Variants in LANCL1 observed in about 807,000 individuals in gnomAD.
LANCL1 encodes LanC like glutathione S-transferase 1.
In LANCL1, 50 loss-of-function variants were observed where a neutral mutation model predicts 50.6. The observed-to-expected ratio is 0.99, with a 90% CI of 0.79 to 1.25. The LOEUF (loss-of-function observed/expected upper bound fraction) is 1.25. Among genes scored for constraint, LANCL1 ranks in the 50% most tolerant of loss-of-function variants. The probability of loss-of-function intolerance (pLI) is 0.00; values close to 1 mark genes in which losing one functional copy is unlikely to be tolerated. For synonymous variants in LANCL1, 188 were observed against 178.6 expected (o/e 1.05, Z -0.42); for missense variants, 532 against 480.7 (o/e 1.11, Z -1.00).
chr2:210,477,300 CT>C (rs1244900090), upstream of LANCL1: 1 of 163,742 alleles, frequency 6.1e-6, no homozygotes, highest in Non-Finnish European at 1.3e-5. Context: ...TATTCTGTTC[CT>C]TAGCCTAAAT....
chr2:210,470,577 G>A (rs192063961), intron 3 of LANCL1, among the ~76,000 whole-genome samples: 14 of 152,226 alleles, frequency 9.2e-5, no homozygotes, highest in East Asian at 3.9e-4. Context: ...CTAAATGCTC[G>A]ATGAACATTC....
At chr2:210,446,883 C>G (rs1693352351) in intron 4 of LANCL1, among the ~76,000 whole-genome samples, 1 of 152,086 alleles carries the variant, frequency 6.6e-6, no homozygotes, top group African/African-American at 2.4e-5. Flanking sequence ...TTTGCTGTAC[C>G]TGAAAGCGAC....
chr2:210,439,940 T>G (rs1233687967), intron 6 of LANCL1, among the ~76,000 whole-genome samples: 1 of 152,214 alleles, frequency 6.6e-6, no homozygotes, highest in Admixed American at 6.5e-5. Flanking sequence ...AGTTTCTCCT[T>G]AAGGAGAGCT....
At position 210,476,691 on chromosome 2, in the gene LANCL1, C is replaced by T. The variant is rs1362111470; in HGVS notation, c.-88G>A. 14 of 1,196,444 alleles carry T rather than the reference C, an allele frequency of 1.2e-5. No homozygotes were observed. Among genetic ancestry groups the T allele is most frequent in the East Asian group, 4.4e-5 (1 of 22,580 alleles). The allele number at this position is 1,196,444 out of a possible 1,614,324, so 74.1% of individuals were successfully genotyped here. On this transcript the variant is annotated 5_prime_UTR_variant, in exon 1 of 10. Coordinates refer to ENST00000450366, the MANE Select transcript of LANCL1 (RefSeq NM_006055.3). ...CTTGAAGCAAGTGCGCCTCCCGCGT[C>T]CTGAAGCCCTTCTCGGCCCTGGCCT...
Position 210,434,386 on chromosome 2 carries a change from G to A in LANCL1, c.*101C>T. ...AAAAGCTAACAAAATCAAGTCCACAGTTTGACTCTTTGTTTCCTTGGAAAG... is the reference window on the plus strand; with the variant it reads ...AAAAGCTAACAAAATCAAGTCCACAATTTGACTCTTTGTTTCCTTGGAAAG... On this transcript the variant is annotated 3_prime_UTR_variant, in exon 10 of 10. Transcript: ENST00000450366. The A allele has an allele frequency of 1.2e-6, 1 of 808,080 alleles. No individual in the cohort carries two copies. Among genetic ancestry groups the A allele is most frequent in the Non-Finnish European group, 2.0e-6 (1 of 503,016 alleles). 50.1% of individuals were successfully genotyped at this position (808,080 alleles called of 1,614,324 possible). A position where few individuals can be genotyped will look rare whatever the true frequency, so the allele number is the denominator to read the frequency against.
chr2:210,474,950 G>C (rs993546429), intron 2 of LANCL1, among the ~76,000 whole-genome samples: 2 of 152,100 alleles, frequency 1.3e-5, no homozygotes, highest in African/African-American at 2.4e-5. Flanking sequence ...GCAGAATGCA[G>C]GCCCAAATGG....
chr2:210,436,529 G>A (rs1692940883), intron 7 of LANCL1, 137 bp from the exon 8 acceptor site: 2 of 788,886 alleles, frequency 2.5e-6, no homozygotes, highest in Admixed American at 5.0e-5. Context: ...AGAGGGATGT[G>A]TTATGTTGCT....
intron 3 of LANCL1, among the ~76,000 whole-genome samples, chr2:210,466,819 A>T (rs895367919): frequency 6.6e-6 from 1 of 152,224 alleles, no homozygotes; most frequent in African/African-American, 2.4e-5. Context: ...TCGTTGATAC[A>T]GTAAAGCCAC....
intron 3 of LANCL1, among the ~76,000 whole-genome samples, chr2:210,462,252 A>T (rs1245342890): frequency 6.6e-6 from 1 of 152,232 alleles, no homozygotes; most frequent in Non-Finnish European, 1.5e-5. Context: ...AGAGTCATAT[A>T]TAACAACTCT....
At chr2:210,458,993 C>T (rs1251325579) in intron 3 of LANCL1, among the ~76,000 whole-genome samples, 1 of 151,980 alleles carries the variant, frequency 6.6e-6, no homozygotes, top group Non-Finnish European at 1.5e-5. Flanking sequence ...TATTCTTGGG[C>T]TTAAATTTGA....
rs1037663605 is a variant in LANCL1 at position 210,476,521 on chromosome 2, C to T, written c.-17+99G>A. On this transcript the variant is annotated intron_variant, in intron 1 of 9. Coordinates refer to ENST00000450366, the MANE Select transcript of LANCL1 (RefSeq NM_006055.3). ...CCCCTTCCTCCAGCTCCAGGGCCAT[C>T]GAGCCGTCTCGGCGGTCCGAGTGGA... 4 of 1,407,466 alleles carry T rather than the reference C, an allele frequency of 2.8e-6. No individual in the cohort carries two copies. In the South Asian group the frequency reaches 6.3e-5, roughly 22 times the overall value. 87.2% of individuals were successfully genotyped at this position (1,407,466 alleles called of 1,614,324 possible).
chr2:210,476,623 GAC>G lies in LANCL1; in HGVS notation c.-22_-21del. ...GCTGCCAGGGCCCTTAACCCACCCG[GAC>G]AAAGAGGCCCCGTTTTGCAACCCCG... On this transcript the variant is annotated 5_prime_UTR_variant, in exon 1 of 10. Transcript: ENST00000450366. 1 of 1,325,056 alleles carries G rather than the reference GAC, an allele frequency of 7.5e-7. No individual in the cohort carries two copies. The allele number at this position is 1,325,056 out of a possible 1,614,324, so 82.1% of individuals were successfully genotyped here. A position where few individuals can be genotyped will look rare whatever the true frequency, so the allele number is the denominator to read the frequency against.
intron 3 of LANCL1, among the ~76,000 whole-genome samples, chr2:210,461,908 T>G (rs567079129): frequency 2.7e-4 from 41 of 152,352 alleles, no homozygotes; most frequent in Non-Finnish European, 5.1e-4. Flanking sequence ...TTTTCTACTA[T>G]GTTATCTGCA....
chr2:210,454,648 T>C (rs1693611171), intron 4 of LANCL1, among the ~76,000 whole-genome samples: 1 of 152,168 alleles, frequency 6.6e-6, no homozygotes, highest in Non-Finnish European at 1.5e-5. Flanking sequence ...TAATTCTTCA[T>C]AATTCACCAG....
chr2:210,438,005 AT>A, intron 6 of LANCL1, 133 bp from the exon 7 acceptor site: 2 of 563,028 alleles, frequency 3.6e-6, no homozygotes, highest in Non-Finnish European at 5.8e-6. Flanking sequence ...ATTTCATCCA[AT>A]TTTTCCACCT....
At chr2:210,448,542 A>C (rs1574423380) in intron 4 of LANCL1, among the ~76,000 whole-genome samples, 1 of 150,078 alleles carries the variant, frequency 6.7e-6, no homozygotes, top group Non-Finnish European at 1.5e-5. Flanking sequence ...AAAACCCTTC[A>C]AAAAAAATCA....
intron 2 of LANCL1, among the ~76,000 whole-genome samples, chr2:210,472,880 C>A (rs114127375): frequency 2.2e-3 from 333 of 152,234 alleles, no homozygotes; most frequent in African/African-American, 7.6e-3. Flanking sequence ...AATTCTTTAG[C>A]AGATCAAGGG....
In LANCL1 at chr2:210,441,580, A is replaced by G. The variant is rs1010295191; in HGVS notation, c.408-137T>C. On this transcript the variant is annotated intron_variant, in intron 4 of 9. Coordinates refer to ENST00000450366, the MANE Select transcript of LANCL1 (RefSeq NM_006055.3). ...CATATATAATATCTATTTATAGAAC[A>G]GTCACGGTTCACAGATTAGCCCTCC... The G allele has an allele frequency of 1.9e-5, 12 of 624,816 alleles. No homozygotes were observed. The African/African-American group carries it at 2.2e-4, about 11-fold the overall frequency. 38.7% of individuals were successfully genotyped at this position (624,816 alleles called of 1,614,324 possible). A position where few individuals can be genotyped will look rare whatever the true frequency, so the allele number is the denominator to read the frequency against.
Position 210,434,563 on chromosome 2 carries a change from C to T in LANCL1, c.1124G>A (p.Gly375Glu). ...CAGGAAATATATTGTTCCAGCCATT[C>T]CTGAAGAAAGAGAAAGAGGCAAAAG... ...TPDTPFSLFE[G>E]MAGTIYFLAD... is the part of the protein sequence containing the mutation. The change falls in exon 10 of 10, where the codon GGA becomes GAA. Residue 375 changes from glycine (G) to glutamate (E), a missense_variant and splice_region_variant. Coordinates refer to ENST00000450366, the MANE Select transcript of LANCL1 (RefSeq NM_006055.3). 1 of 1,612,442 alleles carries T rather than the reference C, an allele frequency of 6.2e-7. No individual in the cohort carries two copies. The highest frequency in any genetic ancestry group is 2.2e-5 in the East Asian group (1 of 44,860).
Sources: allele counts gnomAD v4.1 joint callset (sites outside exome capture counted in the v4.1 genomes callset), GRCh38; gene constraint gnomAD v4.1.1; transcripts MANE v1.5; gene names NCBI Gene and HGNC (gene_info 2026-07-23, HGNC 2026-07-21).